The following RXFP1 variants were observed in gnomAD, a reference collection of about 807,000 sequenced individuals.
The protein encoded by RXFP1 is relaxin receptor 1.
RXFP1 carries 73 observed loss-of-function variants against 89.8 expected under a neutral mutation model. The observed-to-expected ratio is 0.81, with a 90% CI of 0.67 to 0.99. The LOEUF is 0.99. Among genes scored for constraint, RXFP1 ranks in the 50% least tolerant of loss-of-function variants. RXFP1 has a pLI of 0.00. For synonymous variants in RXFP1, 277 were observed against 305.5 expected (o/e 0.91, Z 0.97); for missense variants, 793 against 895.5 (o/e 0.89, Z 1.46).
chr4:158,581,315 A>C (rs1414127170), intron 2 of RXFP1, among the ~76,000 whole-genome samples: 1 of 152,216 alleles, frequency 6.6e-6, no homozygotes, highest in Non-Finnish European at 1.5e-5. Context: ...GGAAGTACAG[A>C]GAGGTTACAT....
chr4:158,630,982 C>T (rs1273575408), intron 11 of RXFP1, among the ~76,000 whole-genome samples: 1 of 152,206 alleles, frequency 6.6e-6, no homozygotes, highest in Non-Finnish European at 1.5e-5. Context: ...TTAAAGTCAA[C>T]TACTCTAGTT....
intron 1 of RXFP1, among the ~76,000 whole-genome samples, chr4:158,535,902 T>G (rs942883919): frequency 6.6e-6 from 1 of 152,238 alleles, no homozygotes; most frequent in African/African-American, 2.4e-5. Flanking sequence ...AACTCACTAT[T>G]TTCTTTAACT....
chr4:158,561,756 T>A (rs938017080), intron 1 of RXFP1, among the ~76,000 whole-genome samples: 3 of 151,208 alleles, frequency 2.0e-5, no homozygotes, highest in Non-Finnish European at 4.4e-5. Flanking sequence ...GTCTCCTGAG[T>A]AGCCAGGATT....
At chr4:158,612,911 A>AT (rs1283792330) in intron 8 of RXFP1, among the ~76,000 whole-genome samples, 16 of 152,320 alleles carry the variant, frequency 1.1e-4, no homozygotes, top group African/African-American at 3.6e-4. Flanking sequence ...CCCAGCCTTT[A>AT]TCACAATATT....
intron 2 of RXFP1, among the ~76,000 whole-genome samples, chr4:158,573,610 T>C (rs1462420746): frequency 6.6e-6 from 1 of 152,156 alleles, no homozygotes; most frequent in Non-Finnish European, 1.5e-5. Context: ...GACACCCTTG[T>C]TTTAACCCAA....
At chr4:158,605,643 T>G (rs1036300072) in intron 5 of RXFP1, among the ~76,000 whole-genome samples, 2 of 152,180 alleles carry the variant, frequency 1.3e-5, no homozygotes, top group Non-Finnish European at 2.9e-5. Context: ...GCCTTGTGAG[T>G]TGCGTTTTAT....
intron 15 of RXFP1, among the ~76,000 whole-genome samples, chr4:158,645,740 T>C (rs975180892): frequency 3.9e-5 from 6 of 152,138 alleles, no homozygotes; most frequent in Non-Finnish European, 5.9e-5. Flanking sequence ...CTAGGTCAAG[T>C]GTTCTAGAAT....
At chr4:158,602,335 C>T (rs914624277) in intron 4 of RXFP1, among the ~76,000 whole-genome samples, 6 of 152,044 alleles carry the variant, frequency 3.9e-5, no homozygotes, top group South Asian at 2.1e-4. Context: ...TCTATAGTAA[C>T]TCTCCTCCTT....
intron 1 of RXFP1, among the ~76,000 whole-genome samples, chr4:158,546,127 G>A (rs1457764612): frequency 8.6e-5 from 13 of 151,896 alleles, no homozygotes; most frequent in Non-Finnish European, 1.8e-4. Context: ...TTATTTCATT[G>A]AGCAGTGGTT....
At chr4:158,612,669 G>T (rs992702270) in intron 8 of RXFP1, among the ~76,000 whole-genome samples, 1 of 147,340 alleles carries the variant, frequency 6.8e-6, no homozygotes, top group African/African-American at 2.5e-5. Context: ...GGAGTGCAGT[G>T]GCGTGACCTT....
At chr4:158,597,065 A>G (rs1760766314) in intron 3 of RXFP1, among the ~76,000 whole-genome samples, 1 of 152,206 alleles carries the variant, frequency 6.6e-6, no homozygotes. Context: ...AGTGCAGCTA[A>G]CGACTAAATA....
At chr4:158,554,480 A>G (rs1319136789) in intron 1 of RXFP1, among the ~76,000 whole-genome samples, 1 of 152,218 alleles carries the variant, frequency 6.6e-6, no homozygotes, top group African/African-American at 2.4e-5. Context: ...TTATACAAAT[A>G]AAAGCAAACT....
intron 1 of RXFP1, among the ~76,000 whole-genome samples, chr4:158,549,869 G>A (rs1012275652): frequency 6.6e-6 from 1 of 152,156 alleles, no homozygotes; most frequent in Non-Finnish European, 1.5e-5. Flanking sequence ...TACTGGGGGG[G>A]TGCCTCCCAG....
chr4:158,601,565 T>C (rs1481368185), intron 4 of RXFP1, among the ~76,000 whole-genome samples: 1 of 152,244 alleles, frequency 6.6e-6, no homozygotes, highest in Non-Finnish European at 1.5e-5. Flanking sequence ...TTTATACTTT[T>C]CTCTGCAGAA....
At chr4:158,597,445 G>A (rs1018489475) in intron 3 of RXFP1, among the ~76,000 whole-genome samples, 26 of 151,978 alleles carry the variant, frequency 1.7e-4, no homozygotes, top group African/African-American at 5.1e-4. Context: ...TGCATTACTC[G>A]TCTTTTTTTA....
intron 1 of RXFP1, among the ~76,000 whole-genome samples, chr4:158,542,109 A>ATATATTTTTTTTTT: frequency 8.5e-5 from 3 of 35,242 alleles, no homozygotes; most frequent in African/African-American, 2.8e-4. Context: ...ATATATATAT[A>ATATATTTTTTTTTT]TTTTTTTTTT....
chr4:158,574,566 A>C (rs566063934), intron 2 of RXFP1, among the ~76,000 whole-genome samples: 2 of 152,358 alleles, frequency 1.3e-5, no homozygotes, highest in South Asian at 4.1e-4. Flanking sequence ...ATCACCTGGA[A>C]ACCCCGTTGT....
intron 9 of RXFP1, among the ~76,000 whole-genome samples, chr4:158,623,109 A>G (rs1287933269): frequency 6.6e-6 from 1 of 152,212 alleles, no homozygotes; most frequent in African/African-American, 2.4e-5. Context: ...CCAATGTCCA[A>G]TAAAAGATAT....
intron 17 of RXFP1, among the ~76,000 whole-genome samples, chr4:158,649,528 T>C (rs1352968694): frequency 6.6e-6 from 1 of 152,028 alleles, no homozygotes; most frequent in Admixed American, 6.6e-5. Context: ...GGAGGATCAC[T>C]TGGGCCCAGG....
Sources: allele counts gnomAD v4.1 joint callset (sites outside exome capture counted in the v4.1 genomes callset), GRCh38; gene constraint gnomAD v4.1.1; transcripts MANE v1.5; gene names NCBI Gene and HGNC (gene_info 2026-07-23, HGNC 2026-07-21).